The following GRID2 variants were observed in gnomAD, a reference collection of about 807,000 sequenced individuals.
GRID2 encodes the protein glutamate receptor ionotropic, delta-2.
Under a neutral mutation model 114.8 loss-of-function variants are expected in GRID2, and 33 were observed. That is an observed-to-expected ratio of 0.29 (90% CI 0.22 to 0.38). The LOEUF is 0.38. GRID2 is among the 10% of genes least tolerant of loss of function. GRID2 has a pLI of 1.00. For synonymous variants in GRID2, 505 were observed against 449.9 expected (o/e 1.12, Z -1.55); for missense variants, 1,184 against 1,257.7 (o/e 0.94, Z 0.89).
intron 2 of GRID2, among the ~76,000 whole-genome samples, chr4:92,674,675 C>G (rs766494121): frequency 6.6e-6 from 1 of 152,098 alleles, no homozygotes; most frequent in African/African-American, 2.4e-5. Context: ...GCACCTACCA[C>G]CATGCCCAGC....
intron 14 of GRID2, among the ~76,000 whole-genome samples, chr4:93,761,011 A>G (rs1733160514): frequency 6.6e-6 from 1 of 152,180 alleles, no homozygotes. Flanking sequence ...ATGCTCAGAT[A>G]TATTTTACAA....
At chr4:92,840,262 T>C (rs1231879027) in intron 2 of GRID2, among the ~76,000 whole-genome samples, 2 of 152,058 alleles carry the variant, frequency 1.3e-5, no homozygotes, top group African/African-American at 4.8e-5. Flanking sequence ...ATCTTGTTTT[T>C]TCATCCATTC....
chr4:93,260,408 T>A (rs902931575), intron 8 of GRID2, among the ~76,000 whole-genome samples: 1 of 149,278 alleles, frequency 6.7e-6, no homozygotes, highest in Non-Finnish European at 1.5e-5. Flanking sequence ...TAAAAAAAAA[T>A]ATTAAAATAA....
At chr4:92,484,746 C>A (rs575511151) in intron 1 of GRID2, among the ~76,000 whole-genome samples, 2 of 151,924 alleles carry the variant, frequency 1.3e-5, no homozygotes, top group African/African-American at 2.4e-5. Flanking sequence ...TTATGAAGAG[C>A]GTCATATGAA....
intron 1 of GRID2, chr4:93,806,682 C>T (rs1735040438): frequency 6.6e-6 from 1 of 152,236 alleles, no homozygotes; most frequent in Non-Finnish European, 1.5e-5. Context: ...TAAAATCAAC[C>T]TTGATGTGAC....
At chr4:93,074,686 A>C (rs551216489) in intron 2 of GRID2, among the ~76,000 whole-genome samples, 183 of 152,330 alleles carry the variant, frequency 1.2e-3, no homozygotes, top group African/African-American at 4.1e-3. Flanking sequence ...CAACAAAGAA[A>C]AATCAATGAA....
chr4:93,509,600 G>A (rs764601395), intron 12 of GRID2, among the ~76,000 whole-genome samples: 4 of 152,096 alleles, frequency 2.6e-5, no homozygotes, highest in African/African-American at 4.8e-5. Flanking sequence ...GAAAGAAATT[G>A]CATTTTGGAG....
At chr4:93,607,716 A>G (rs1740399967) in intron 13 of GRID2, among the ~76,000 whole-genome samples, 1 of 152,170 alleles carries the variant, frequency 6.6e-6, no homozygotes, top group African/African-American at 2.4e-5. Flanking sequence ...ATTGCCAGAC[A>G]TTTAATAGAT....
chr4:92,620,760 G>A lies in GRID2; in HGVS notation c.244+30474G>A, dbSNP rs550507007. On this transcript the variant is annotated intron_variant, in intron 2 of 15. Transcript: ENST00000282020. ...TAATATATGACAGTATTAGGACACAGGAAGTGGAACATCACACACCGGGGA... is the reference window on the plus strand; with the variant it reads ...TAATATATGACAGTATTAGGACACAAGAAGTGGAACATCACACACCGGGGA... Among the ~76,000 whole-genome samples the A allele has an allele frequency of 2.2e-4, 34 of 151,344 alleles. No homozygotes were observed. The South Asian group carries it at 6.5e-3, about 29-fold the overall frequency.
chr4:93,510,491 ATG>A (rs1265804043), intron 12 of GRID2, among the ~76,000 whole-genome samples: 1 of 152,186 alleles, frequency 6.6e-6, no homozygotes, highest in African/African-American at 2.4e-5. Flanking sequence ...AGTTTTAGAG[ATG>A]TGTTTTTAAC....
intron 1 of GRID2, among the ~76,000 whole-genome samples, chr4:92,444,073 A>G (rs1308510442): frequency 6.6e-6 from 1 of 152,182 alleles, no homozygotes; most frequent in African/African-American, 2.4e-5. Flanking sequence ...AAAATTGGTG[A>G]GATGTTCCTT....
intron 13 of GRID2, among the ~76,000 whole-genome samples, chr4:93,623,284 C>A (rs1046593753): frequency 6.6e-6 from 1 of 151,540 alleles, no homozygotes; most frequent in Non-Finnish European, 1.5e-5. Flanking sequence ...TTAGGTATTT[C>A]TCCTAATGCT....
chr4:92,974,695 G>A (rs1248746651), intron 2 of GRID2, among the ~76,000 whole-genome samples: 2 of 151,818 alleles, frequency 1.3e-5, no homozygotes, highest in Admixed American at 6.6e-5. Flanking sequence ...GGGGGTAGGG[G>A]GGTAGGGGAG....
chr4:93,800,153 A>G (rs1206592020), intron 1 of GRID2, among the ~76,000 whole-genome samples: 1 of 152,228 alleles, frequency 6.6e-6, no homozygotes, highest in Non-Finnish European at 1.5e-5. Context: ...GGTAGGAAAC[A>G]ATGGTAACCA....
chr4:93,524,908 T>C (rs908399281), intron 13 of GRID2, among the ~76,000 whole-genome samples: 12 of 149,502 alleles, frequency 8.0e-5, no homozygotes, highest in African/African-American at 2.9e-4. Context: ...TACTGTCTTA[T>C]GTACATAAAG....
intron 4 of GRID2, among the ~76,000 whole-genome samples, chr4:93,143,485 A>C (rs1307892942): frequency 6.6e-6 from 1 of 152,222 alleles, no homozygotes; most frequent in African/African-American, 2.4e-5. Context: ...AAAATTGTAG[A>C]AAAGAAGTTT....
intron 2 of GRID2, among the ~76,000 whole-genome samples, chr4:92,933,654 A>G (rs1750412437): frequency 6.6e-6 from 1 of 151,616 alleles, no homozygotes; most frequent in African/African-American, 2.4e-5. Flanking sequence ...TAGTAGTTCC[A>G]TAACTTTTCC....
intron 1 of GRID2, among the ~76,000 whole-genome samples, chr4:92,565,843 T>C (rs1727310112): frequency 6.6e-6 from 1 of 152,086 alleles, no homozygotes; most frequent in Non-Finnish European, 1.5e-5. Context: ...ATTGGTTTGT[T>C]ATTGCTGTGT....
At position 92,448,419 on chromosome 4, in the gene GRID2, G is replaced by A. The variant is rs189451318; in HGVS notation, c.89-141712G>A. Among the ~76,000 whole-genome samples the A allele has an allele frequency of 3.4e-4, 51 of 151,910 alleles. No individual in the cohort carries two copies. The East Asian group carries it at 8.5e-3, about 25-fold the overall frequency. ...TAACCTCAAGTGATCCTCCTACTTC[G>A]GCCTCCCAAAGTGCTGGAATTACAG... On this transcript the variant is annotated intron_variant, in intron 1 of 15. Coordinates refer to ENST00000282020, the MANE Select transcript of GRID2 (RefSeq NM_001510.4).
Sources: gnomAD v4.1 joint callset for allele counts (sites outside exome capture counted in the v4.1 genomes callset) on GRCh38, gnomAD v4.1.1 for gene constraint, MANE v1.5 for transcripts, NCBI Gene and HGNC (gene_info 2026-07-23, HGNC 2026-07-21) for gene names.